FLRT2: variants seen among roughly 807,000 people sequenced by gnomAD.
FLRT2 encodes the protein fibronectin leucine rich transmembrane protein 2.
In FLRT2, 15 loss-of-function variants were observed where a neutral mutation model predicts 40.0. The observed-to-expected ratio is 0.38, with a 90% CI of 0.25 to 0.58. FLRT2 has a LOEUF of 0.58. FLRT2 is among the 20% of genes least tolerant of loss of function. The probability of loss-of-function intolerance (pLI) is 0.71; values close to 1 mark genes in which losing one functional copy is unlikely to be tolerated. For synonymous variants in FLRT2, 380 were observed against 336.8 expected (o/e 1.13, Z -1.41); for missense variants, 726 against 840.0 (o/e 0.86, Z 1.68).
In FLRT2 at chr14:85,623,134, C is replaced by T. The variant is rs1017076624; in HGVS notation, c.1620C>T (p.Pro540=). The T allele has an allele frequency of 6.2e-7, 1 of 1,603,608 alleles. No homozygotes were observed. Among genetic ancestry groups the T allele is most frequent in the Admixed American group, 1.7e-5 (1 of 58,794 alleles). Residue 540 remains proline (P), a synonymous_variant, in exon 2 of 2, where the codon CCC becomes CCT. Transcript: ENST00000330753. The part of the protein sequence containing the change: ...EQTTSHSMGS[P]FLLAGLIGGA... ...CGACGTCCCACAGCATGGGCTCCCC[C>T]TTTCTGCTGGCGGGCTTGATCGGGG...
At chr14:85,613,170 G>A (rs986485711) in intron 1 of FLRT2, among the ~76,000 whole-genome samples, 1 of 151,992 alleles carries the variant, frequency 6.6e-6, no homozygotes, top group Admixed American at 6.5e-5. Flanking sequence ...TATTATATAA[G>A]TAAAAATTCA....
At chr14:85,549,956 A>G (rs1480258541) in intron 1 of FLRT2, among the ~76,000 whole-genome samples, 1 of 152,074 alleles carries the variant, frequency 6.6e-6, no homozygotes, top group Non-Finnish European at 1.5e-5. Context: ...CAAGAAGAAG[A>G]TAAGGTACCT....
At position 85,635,199 on chromosome 14, in the gene FLRT2, A is replaced by T. The variant is rs1461475569; in HGVS notation, c.*11702A>T. 6.6e-6 allele frequency: 1 copy of T among 152,172 alleles called. No homozygotes were observed. Among genetic ancestry groups the T allele is most frequent in the East Asian group, 1.9e-4 (1 of 5,200 alleles). 9.4% of individuals were successfully genotyped at this position (152,172 alleles called of 1,614,324 possible). On this transcript the variant is annotated 3_prime_UTR_variant, in exon 2 of 2. Transcript: ENST00000330753. ...AGAACTGTGACTTTGTATCTGTGTGATATTATTTAATGTCCCTAAGCCTCA... is the reference window on the plus strand; with the variant it reads ...AGAACTGTGACTTTGTATCTGTGTGTTATTATTTAATGTCCCTAAGCCTCA...
At position 85,643,182 on chromosome 14, in the gene FLRT2, TA is replaced by T. The variant is rs1894192507; in HGVS notation, c.*19688del. On this transcript the variant is annotated 3_prime_UTR_variant, in exon 2 of 2. Coordinates refer to ENST00000330753, the MANE Select transcript of FLRT2 (RefSeq NM_013231.6). Reference sequence around the variant, plus strand: ...TCAACATATGAAATTTAGGGGCACATAAATATACAGTCCATAACAGGGAGAT... The same window carrying T: ...TCAACATATGAAATTTAGGGGCACATAATATACAGTCCATAACAGGGAGAT... 1 of 152,184 alleles carries T rather than the reference TA, an allele frequency of 6.6e-6. No homozygotes were observed. The highest frequency in any genetic ancestry group is 2.4e-5 in the African/African-American group (1 of 41,432). 9.4% of individuals were successfully genotyped at this position (152,184 alleles called of 1,614,324 possible).
intron 1 of FLRT2, among the ~76,000 whole-genome samples, chr14:85,562,319 A>C (rs1890384991): frequency 6.6e-6 from 1 of 152,218 alleles, no homozygotes; most frequent in Non-Finnish European, 1.5e-5. Flanking sequence ...AAAGTAACTC[A>C]AATGCTACAT....
intron 1 of FLRT2, among the ~76,000 whole-genome samples, chr14:85,556,105 A>T (rs539544403): frequency 6.6e-6 from 1 of 152,220 alleles, no homozygotes; most frequent in Non-Finnish European, 1.5e-5. Flanking sequence ...ATAAAACTAC[A>T]TGGAATATCT....
At chr14:85,534,117 G>T (rs1888488687) in intron 1 of FLRT2, among the ~76,000 whole-genome samples, 1 of 152,170 alleles carries the variant, frequency 6.6e-6, no homozygotes. Flanking sequence ...TCAAGATCCC[G>T]GGGATGAGCA....
Position 85,632,910 on chromosome 14 carries a change from G to C in FLRT2, c.*9413G>C, listed in dbSNP as rs1422390019. The C allele has an allele frequency of 6.6e-6, 1 of 152,130 alleles. No individual in the cohort carries two copies. Among genetic ancestry groups the C allele is most frequent in the Non-Finnish European group, 1.5e-5 (1 of 68,024 alleles). 9.4% of individuals were successfully genotyped at this position (152,130 alleles called of 1,614,324 possible). A position where few individuals can be genotyped will look rare whatever the true frequency, so the allele number is the denominator to read the frequency against. On this transcript the variant is annotated 3_prime_UTR_variant, in exon 2 of 2. Transcript: ENST00000330753. ...TTATCAGTGTACTTTTCCTAAAATG[G>C]GGACAATGATGTCTAACACATATGG...
At chr14:85,558,487 G>A (rs567723058) in intron 1 of FLRT2, among the ~76,000 whole-genome samples, 1 of 152,186 alleles carries the variant, frequency 6.6e-6, no homozygotes, top group African/African-American at 2.4e-5. Flanking sequence ...ATTATTAAAT[G>A]AAACAGTGGT....
At chr14:85,618,192 C>A (rs756311849) in intron 1 of FLRT2, among the ~76,000 whole-genome samples, 1 of 152,164 alleles carries the variant, frequency 6.6e-6, no homozygotes, top group Non-Finnish European at 1.5e-5. Flanking sequence ...TAAGCAAACA[C>A]CATCATCCTC....
At chr14:85,607,886 C>T (rs1011298509) in intron 1 of FLRT2, among the ~76,000 whole-genome samples, 3 of 152,138 alleles carry the variant, frequency 2.0e-5, no homozygotes, top group Non-Finnish European at 4.4e-5. Context: ...ATTCTGGTGG[C>T]TAGGAGTTCA....
chr14:85,639,986 C>A lies in FLRT2; in HGVS notation c.*16489C>A, dbSNP rs1894113831. ...GCCTCAGTCTCCCGAGTAGCTGGGA[C>A]TACAGGCTCCTGCCACCACGCCTGG... On this transcript the variant is annotated 3_prime_UTR_variant, in exon 2 of 2. Coordinates refer to ENST00000330753, the MANE Select transcript of FLRT2 (RefSeq NM_013231.6). 1 of 151,844 alleles carries A rather than the reference C, an allele frequency of 6.6e-6. No homozygotes were observed. Among genetic ancestry groups the A allele is most frequent in the Non-Finnish European group, 1.5e-5 (1 of 68,076 alleles). The allele number at this position is 151,844 out of a possible 1,614,324, so 9.4% of individuals were successfully genotyped here.
chr14:85,599,355 C>T (rs183751034), intron 1 of FLRT2, among the ~76,000 whole-genome samples: 18 of 151,576 alleles, frequency 1.2e-4, no homozygotes, highest in African/African-American at 4.1e-4. Context: ...CCTCTGTAAA[C>T]CACTGTGAAG....
intron 1 of FLRT2, among the ~76,000 whole-genome samples, chr14:85,582,140 A>T (rs1195060827): frequency 1.3e-5 from 2 of 152,162 alleles, no homozygotes; most frequent in Admixed American, 1.3e-4. Flanking sequence ...CTGCTCTTAG[A>T]TCCTGTAGAT....
Position 85,634,722 on chromosome 14 carries a change from T to C in FLRT2, c.*11225T>C, listed in dbSNP as rs1378961326. On this transcript the variant is annotated 3_prime_UTR_variant, in exon 2 of 2. Coordinates refer to ENST00000330753, the MANE Select transcript of FLRT2 (RefSeq NM_013231.6). Reference sequence around the variant, plus strand: ...ACAACACTCACCTCAACAGTAACCATACTGCACAGTGCCTGACACATATAA... The same window carrying C: ...ACAACACTCACCTCAACAGTAACCACACTGCACAGTGCCTGACACATATAA... The C allele has an allele frequency of 1.3e-5, 2 of 152,192 alleles. No individual in the cohort carries two copies. Among genetic ancestry groups the C allele is most frequent in the African/African-American group, 4.8e-5 (2 of 41,464 alleles). 9.4% of individuals were successfully genotyped at this position (152,192 alleles called of 1,614,324 possible).
intron 1 of FLRT2, among the ~76,000 whole-genome samples, chr14:85,543,539 A>T (rs1889101591): frequency 6.6e-6 from 1 of 151,722 alleles, no homozygotes; most frequent in South Asian, 2.1e-4. Flanking sequence ...AAAAAAAAAA[A>T]TAAAGAAATC....
chr14:85,567,847 A>T (rs1404312034), intron 1 of FLRT2, among the ~76,000 whole-genome samples: 1 of 151,626 alleles, frequency 6.6e-6, no homozygotes, highest in African/African-American at 2.4e-5. Context: ...CACCATATTG[A>T]CCAGGCTGGT....
intron 1 of FLRT2, among the ~76,000 whole-genome samples, chr14:85,558,318 T>A (rs1344275744): frequency 6.6e-6 from 1 of 152,124 alleles, no homozygotes; most frequent in Non-Finnish European, 1.5e-5. Flanking sequence ...ACATTTATCT[T>A]TGCATCAAAA....
intron 1 of FLRT2, among the ~76,000 whole-genome samples, chr14:85,564,807 A>G (rs1435722989): frequency 6.6e-6 from 1 of 152,196 alleles, no homozygotes; most frequent in Admixed American, 6.5e-5. Context: ...CATCTGGACG[A>G]TGAGAATTGT....
Sources: allele counts gnomAD v4.1 joint callset (sites outside exome capture counted in the v4.1 genomes callset), GRCh38; gene constraint gnomAD v4.1.1; transcripts MANE v1.5; gene names NCBI Gene and HGNC (gene_info 2026-07-23, HGNC 2026-07-21).